Variants in LMCD1 observed in about 807,000 individuals in gnomAD.
The protein encoded by LMCD1 is LIM and cysteine-rich domains protein 1.
In LMCD1, 32 loss-of-function variants were observed where a neutral mutation model predicts 42.7. That is an observed-to-expected ratio of 0.75 (90% CI 0.57 to 1.01). LMCD1 has a LOEUF of 1.01. Among genes scored for constraint, LMCD1 ranks in the 50% least tolerant of loss-of-function variants. The pLI is 0.00. For synonymous variants in LMCD1, 178 were observed against 184.9 expected (o/e 0.96, Z 0.30); for missense variants, 458 against 483.1 (o/e 0.95, Z 0.49).
Position 8,548,627 on chromosome 3 carries a change from T to C in LMCD1, c.447T>C (p.Gly149=), listed in dbSNP as rs3088339. 167,225 of 1,613,842 alleles carry C rather than the reference T, an allele frequency of 0.1. 10,010 individuals are homozygous for C. Among genetic ancestry groups the C allele is most frequent in the South Asian group, 0.22 (19,663 of 91,056 alleles). ...KEKQPVTGTE[G]AFYRRRQLMH... ...AGCAGCCAGTGACAGGCACAGAGGG[T>C]GCCTTTTACCGCCGCCGCCAGCTCA... Residue 149 remains glycine, a synonymous_variant, in exon 4 of 6, where the codon GGT becomes GGC. Transcript: ENST00000157600.
chr3:8,573,943 T>C lies in LMCD1; in HGVS notation c.*6345T>C, dbSNP rs1695260407. The C allele has an allele frequency of 6.6e-6, 1 of 152,092 alleles. No homozygotes were observed. The highest frequency in any genetic ancestry group is 1.5e-5 in the Non-Finnish European group (1 of 68,018). 9.4% of individuals were successfully genotyped at this position (152,092 alleles called of 1,614,324 possible). On this transcript the variant is annotated 3_prime_UTR_variant, in exon 6 of 6. Transcript: ENST00000157600. ...GGGGTTTTGCTTTCTGGAATCTGCT[T>C]TCTAGTCAGAAAGTGCAGAAGAAGG...
intron 1 of LMCD1, among the ~76,000 whole-genome samples, chr3:8,518,376 C>T (rs976233236): frequency 2.0e-5 from 3 of 152,206 alleles, no homozygotes; most frequent in East Asian, 1.9e-4. Flanking sequence ...CTGATTTTCT[C>T]TCTCTAGTGA....
intron 4 of LMCD1, among the ~76,000 whole-genome samples, chr3:8,558,381 T>C (rs1694965879): frequency 6.6e-6 from 1 of 152,226 alleles, no homozygotes; most frequent in Non-Finnish European, 1.5e-5. Flanking sequence ...TTCATTTCAA[T>C]TAAGAATCTC....
intron 1 of LMCD1, among the ~76,000 whole-genome samples, chr3:8,508,724 A>G (rs769450399): frequency 6.6e-6 from 1 of 152,234 alleles, no homozygotes; most frequent in Non-Finnish European, 1.5e-5. Flanking sequence ...TTACATTTAC[A>G]TGAGTGGTGC....
At chr3:8,563,506 C>T (rs1157761965) in intron 4 of LMCD1, among the ~76,000 whole-genome samples, 1 of 152,222 alleles carries the variant, frequency 6.6e-6, no homozygotes, top group Non-Finnish European at 1.5e-5. Context: ...TCTCTCTGCC[C>T]TCTGCAGCTA....
chr3:8,552,638 A>G (rs997989424), intron 4 of LMCD1, among the ~76,000 whole-genome samples: 5 of 152,232 alleles, frequency 3.3e-5, no homozygotes, highest in African/African-American at 4.8e-5. Context: ...TGTGAGCTCA[A>G]CAGAAATGAT....
chr3:8,501,931 A>G lies in LMCD1; in HGVS notation c.-8A>G, dbSNP rs1206863364. On this transcript the variant is annotated 5_prime_UTR_variant, in exon 1 of 6. Transcript: ENST00000157600. ...AAGCCAGGCGCTGTTCCCCCACCCC[A>G]GAAGAGGATGGCAAAGGTGGCTAAG... 1.3e-6 allele frequency: 2 copies of G among 1,592,348 alleles called. No individual in the cohort carries two copies. Among genetic ancestry groups the G allele is most frequent in the Non-Finnish European group, 1.7e-6 (2 of 1,170,578 alleles).
chr3:8,525,834 C>T (rs1458709973), intron 1 of LMCD1, among the ~76,000 whole-genome samples: 1 of 152,178 alleles, frequency 6.6e-6, no homozygotes, highest in African/African-American at 2.4e-5. Context: ...TTCAGAAATA[C>T]TGATGCCTGT....
At chr3:8,534,288 A>T (rs1390264592) in intron 2 of LMCD1, among the ~76,000 whole-genome samples, 1 of 151,722 alleles carries the variant, frequency 6.6e-6, no homozygotes, top group Non-Finnish European at 1.5e-5. Context: ...TCTGAAAATG[A>T]TCATTTGGTA....
At chr3:8,540,490 T>C (rs190164469) in intron 3 of LMCD1, among the ~76,000 whole-genome samples, 66 of 152,292 alleles carry the variant, frequency 4.3e-4, no homozygotes, top group African/African-American at 1.5e-3. Flanking sequence ...GCTAGCCCAA[T>C]GTCCCACAGC....
At position 8,566,266 on chromosome 3, in the gene LMCD1, GTAACTC is replaced by G. The variant is rs148472718; in HGVS notation, c.939+623_939+628del. 4.9e-3 allele frequency among the ~76,000 whole-genome samples: 752 copies of G among 152,296 alleles called. 10 individuals are homozygous for G. In the East Asian group the frequency reaches 0.075, roughly 15 times the overall value. ...AGTCTCTGATACTGGTTTGATGAAA[GTAACTC>G]TAAGGTGTATTAATAATGGCAATAC... On this transcript the variant is annotated intron_variant, in intron 5 of 5. Coordinates refer to ENST00000157600, the MANE Select transcript of LMCD1 (RefSeq NM_014583.4).
At chr3:8,531,380 T>TCC (rs1194096823) in intron 1 of LMCD1, among the ~76,000 whole-genome samples, 1 of 152,206 alleles carries the variant, frequency 6.6e-6, no homozygotes, top group Non-Finnish European at 1.5e-5. Context: ...TCTAATAAAC[T>TCC]CATATTTCCC....
At chr3:8,530,152 G>A (rs535759911) in intron 1 of LMCD1, among the ~76,000 whole-genome samples, 15 of 152,298 alleles carry the variant, frequency 9.8e-5, no homozygotes, top group Non-Finnish European at 2.1e-4. Flanking sequence ...CACATCCAGT[G>A]CCTGCCATTT....
intron 3 of LMCD1, among the ~76,000 whole-genome samples, chr3:8,545,689 T>A (rs575697587): frequency 3.9e-4 from 59 of 152,198 alleles, no homozygotes; most frequent in Non-Finnish European, 7.5e-4. Context: ...TGGATGGAGA[T>A]CTTGACTGGG....
chr3:8,533,430 TC>T (rs761943098), intron 2 of LMCD1, among the ~76,000 whole-genome samples: 4 of 152,178 alleles, frequency 2.6e-5, no homozygotes, highest in Admixed American at 6.5e-5. Context: ...CATGTCAGCA[TC>T]TATGTGGATG....
In LMCD1 at chr3:8,511,830, C is replaced by T. The variant is rs549387637; in HGVS notation, c.42+9850C>T. ...CACTGGGGTGGCAGGATAGCAAGGCCTGTCAGGCTGCACATAGAAAACTTC... is the reference window on the plus strand; with the variant it reads ...CACTGGGGTGGCAGGATAGCAAGGCTTGTCAGGCTGCACATAGAAAACTTC... On this transcript the variant is annotated intron_variant, in intron 1 of 5. Transcript: ENST00000157600. 2.0e-4 allele frequency among the ~76,000 whole-genome samples: 30 copies of T among 152,280 alleles called. 1 individual carries two copies. The highest frequency in any genetic ancestry group is 6.7e-4 in the African/African-American group (28 of 41,556).
intron 4 of LMCD1, among the ~76,000 whole-genome samples, chr3:8,554,734 C>G (rs186723652): frequency 6.6e-6 from 1 of 152,320 alleles, no homozygotes; most frequent in African/African-American, 2.4e-5. Context: ...TGACTCTTAG[C>G]AGCTCCACCA....
intron 2 of LMCD1, among the ~76,000 whole-genome samples, chr3:8,534,349 C>A (rs1342887659): frequency 6.6e-6 from 1 of 152,036 alleles, no homozygotes; most frequent in African/African-American, 2.4e-5. Flanking sequence ...ATTCTGGACC[C>A]TATTTTTCAT....
At chr3:8,552,287 T>C (rs1435001543) in intron 4 of LMCD1, among the ~76,000 whole-genome samples, 3 of 152,204 alleles carry the variant, frequency 2.0e-5, no homozygotes, top group African/African-American at 7.2e-5. Context: ...GTCTATGTTC[T>C]TTCCCATTTC....
Sources: gnomAD v4.1 joint callset for allele counts (sites outside exome capture counted in the v4.1 genomes callset) on GRCh38, gnomAD v4.1.1 for gene constraint, MANE v1.5 for transcripts, NCBI Gene and HGNC (gene_info 2026-07-23, HGNC 2026-07-21) for gene names.